The following RMDN1 variants were observed in gnomAD, a reference collection of about 807,000 sequenced individuals.
RMDN1 encodes the protein regulator of microtubule dynamics 1, also known as regulator of microtubule dynamics protein 1.
In RMDN1, 48 loss-of-function variants were observed where a neutral mutation model predicts 48.9. The ratio of observed to expected loss-of-function variants is 0.98; its 90% CI spans 0.78 to 1.25. RMDN1 has a LOEUF of 1.25. RMDN1 is among the 50% of genes most tolerant of loss of function. The pLI, the probability that RMDN1 is intolerant of heterozygous loss-of-function variation, is 0.00. For missense variants in RMDN1, 418 were observed against 373.4 expected (o/e 1.12, Z -0.98); for synonymous variants, 148 against 132.6 (o/e 1.12, Z -0.80).
At chr8:86,508,767 C>T (rs1819863342), upstream of RMDN1, 1 of 1,372,182 alleles carries the variant, frequency 7.3e-7, no homozygotes, top group East Asian at 2.9e-5. Flanking sequence ...GCACCTCTTC[C>T]GCCCCCATGG....
intron 2 of RMDN1, among the ~76,000 whole-genome samples, chr8:86,496,803 AC>A (rs374524866): frequency 1.1e-3 from 171 of 152,288 alleles, no homozygotes; most frequent in African/African-American, 3.9e-3. Flanking sequence ...ACAGACATCT[AC>A]AAGGTACCCT....
chr8:86,505,246 ATATTT>A, intron 2 of RMDN1: 1 of 535,254 alleles, frequency 1.9e-6, no homozygotes, highest in South Asian at 1.5e-5. Flanking sequence ...GGTTTTTTAA[ATATTT>A]TATTTCCTGG....
intron 9 of RMDN1, 24 bp from the exon 10 acceptor site, chr8:86,474,382 T>C (rs1813012233): frequency 6.4e-7 from 1 of 1,555,768 alleles, no homozygotes; most frequent in Non-Finnish European, 8.9e-7. Flanking sequence ...ATACATGTTA[T>C]AAGTAAACAG....
At chr8:86,514,144 G>T in intron 1 of RMDN1, 1 of 513,718 alleles carries the variant, frequency 1.9e-6, no homozygotes, top group Non-Finnish European at 2.5e-6. Context: ...GTGAGCCACT[G>T]CGCCCAGTCT....
intron 8 of RMDN1, among the ~76,000 whole-genome samples, chr8:86,475,844 G>A (rs1396752919): frequency 1.3e-5 from 2 of 152,002 alleles, no homozygotes; most frequent in East Asian, 3.8e-4. Context: ...AAATATATTC[G>A]TATATTCAAT....
At chr8:86,502,990 G>A (rs1203564331) in intron 2 of RMDN1, among the ~76,000 whole-genome samples, 1 of 152,148 alleles carries the variant, frequency 6.6e-6, no homozygotes, top group Non-Finnish European at 1.5e-5. Flanking sequence ...CATGATATTA[G>A]ACAGACACAT....
chr8:86,479,101 T>G (rs1813889319), intron 6 of RMDN1, 91 bp from the exon 7 acceptor site: 7 of 911,256 alleles, frequency 7.7e-6, no homozygotes, highest in Admixed American at 6.6e-5. Context: ...AAAAGGAATC[T>G]TCTACTGTAT....
rs1819808162 is a variant in RMDN1 at position 86,508,593 on chromosome 8, G to A, written c.28C>T (p.Leu10Phe). The change falls in exon 1 of 10, where the codon CTT becomes TTT. Residue 10 changes from leucine to phenylalanine, a missense_variant. Coordinates refer to ENST00000406452, the MANE Select transcript of RMDN1 (RefSeq NM_016033.3). ...GCGGCTCCACGTCGGAAAGGCAGAA[G>A]GCGCCACAGTCGAGCAGCCAGCGCC... is the stretch of plus-strand genomic sequence containing the variant. MALAARLWRLLPFRRGAAPG... is the reference protein window; with the variant it reads MALAARLWRFLPFRRGAAPG... The A allele has an allele frequency of 1.9e-6, 3 of 1,605,298 alleles. No individual in the cohort carries two copies. Among genetic ancestry groups the A allele is most frequent in the Middle Eastern group, 3.4e-4 (2 of 5,924 alleles).
chr8:86,504,333 A>G, intron 2 of RMDN1: 1 of 1,578,640 alleles, frequency 6.3e-7, no homozygotes, highest in Non-Finnish European at 8.7e-7. Context: ...CAAGGATGTC[A>G]CAAGAAAAGC....
chr8:86,484,787 T>C (rs1052568665), intron 5 of RMDN1, 85 bp downstream of exon 5: 45 of 692,742 alleles, frequency 6.5e-5, no homozygotes, highest in Non-Finnish European at 8.6e-5. Context: ...GGTGGTTTGA[T>C]ATACAGCAAT....
At position 86,472,558 on chromosome 8, in the gene RMDN1, G is replaced by C. The variant is rs917607866; in HGVS notation, c.*1750C>G. 5.8e-6 allele frequency: 4 copies of C among 691,670 alleles called. No homozygotes were observed. The highest frequency in any genetic ancestry group is 1.1e-5 in the Non-Finnish European group (4 of 380,856). 42.8% of individuals were successfully genotyped at this position (691,670 alleles called of 1,614,324 possible). ...AGTGGGAAACTGAAAGCCTGCCATT[G>C]TTGTTGCCGTTTAACAGCTGATACA... On this transcript the variant is annotated 3_prime_UTR_variant, in exon 10 of 10. Coordinates refer to ENST00000406452, the MANE Select transcript of RMDN1 (RefSeq NM_016033.3).
chr8:86,507,020 A>C lies in RMDN1; in HGVS notation c.222T>G (p.Ala74=). 6.2e-7 allele frequency: 1 copy of C among 1,609,014 alleles called. No homozygotes were observed. Among genetic ancestry groups the C allele is most frequent in the Non-Finnish European group, 8.5e-7 (1 of 1,175,286 alleles). ...CTTTGGCTGTGGCATGAACCACAGC[A>C]GCCTGAGAGATAACCTGGTAAGTTT... ...GFETYQVISQ[A]AVVHATAKVE... is the part of the protein sequence containing the mutation. Residue 74 remains alanine, a synonymous_variant, in exon 2 of 10, where the codon GCT becomes GCG. Transcript: ENST00000406452.
downstream of RMDN1, chr8:86,470,407 G>T (rs1586552933): frequency 7.8e-7 from 1 of 1,280,846 alleles, no homozygotes; most frequent in East Asian, 5.6e-5. Context: ...GGGGAATCAG[G>T]CTCCTGGGAA....
Position 86,488,285 on chromosome 8 carries a change from C to A in RMDN1, c.335+267G>T, listed in dbSNP as rs113621178. On this transcript the variant is annotated intron_variant, in intron 3 of 9. Transcript: ENST00000406452. ...GGATAAACATATATTCAATAACTAT[C>A]TTGTATCATCTAAAGCAAAATGGAA... Among the ~76,000 whole-genome samples the A allele has an allele frequency of 9.9e-3, 1,502 of 152,174 alleles. 27 individuals carry two copies. The highest frequency in any genetic ancestry group is 0.034 in the African/African-American group (1,432 of 41,520).
intron 2 of RMDN1, among the ~76,000 whole-genome samples, chr8:86,502,823 C>T (rs1033773294): frequency 2.0e-5 from 3 of 152,160 alleles, no homozygotes; most frequent in Non-Finnish European, 4.4e-5. Context: ...CATACATGGT[C>T]TCTGTAGCAT....
chr8:86,513,821 C>A (rs964197596), intron 1 of RMDN1, among the ~76,000 whole-genome samples: 1 of 151,488 alleles, frequency 6.6e-6, no homozygotes, highest in Non-Finnish European at 1.5e-5. Context: ...AGATGTATTT[C>A]GCTATTTTCA....
chr8:86,486,662 TAA>T lies in RMDN1; in HGVS notation c.336-21_336-20del. 1 of 1,579,766 alleles carries T rather than the reference TAA, an allele frequency of 6.3e-7. No individual in the cohort carries two copies. Among genetic ancestry groups the T allele is most frequent in the Non-Finnish European group, 8.6e-7 (1 of 1,163,058 alleles). On this transcript the variant is annotated intron_variant, in intron 3 of 9. Transcript: ENST00000406452. Reference sequence around the variant, plus strand: ...ATCTTCACTAATTTGAAATAAAATATAAAACAACCATTTTAGCTCACATTTAA... The same window carrying T: ...ATCTTCACTAATTTGAAATAAAATATAACAACCATTTTAGCTCACATTTAA...
chr8:86,504,139 GTAT>G (rs1370680249), intron 2 of RMDN1: 4 of 1,262,442 alleles, frequency 3.2e-6, no homozygotes, highest in Non-Finnish European at 4.6e-6. Flanking sequence ...GCTATGGCCG[GTAT>G]TATTGGGCTT....
chr8:86,512,686 C>T (rs890570942), upstream of RMDN1, among the ~76,000 whole-genome samples: 19 of 152,216 alleles, frequency 1.2e-4, no homozygotes, highest in Admixed American at 8.5e-4. Flanking sequence ...GATAGAAGTT[C>T]CTGTCTGTCT....
Sources: gnomAD v4.1 joint callset for allele counts (sites outside exome capture counted in the v4.1 genomes callset) on GRCh38, gnomAD v4.1.1 for gene constraint, MANE v1.5 for transcripts, NCBI Gene and HGNC (gene_info 2026-07-23, HGNC 2026-07-21) for gene names.